The following AGBL4 variants were observed in gnomAD, a reference collection of about 807,000 sequenced individuals.
AGBL4 encodes AGBL carboxypeptidase 4, also known as cytosolic carboxypeptidase 6.
In AGBL4, 58 loss-of-function variants were observed where a neutral mutation model predicts 66.4. That is an observed-to-expected ratio of 0.87 (90% CI 0.71 to 1.09). AGBL4 has a LOEUF of 1.09. Among genes scored for constraint, AGBL4 ranks in the 50% least tolerant of loss-of-function variants. The pLI is 0.00. For missense variants in AGBL4, 579 were observed against 631.0 expected (o/e 0.92, Z 0.88); for synonymous variants, 234 against 222.9 (o/e 1.05, Z -0.44).
At chr1:48,678,752 T>G (rs879013896) in intron 6 of AGBL4, among the ~76,000 whole-genome samples, 1 of 152,220 alleles carries the variant, frequency 6.6e-6, no homozygotes, top group Admixed American at 6.5e-5. Flanking sequence ...GCAAGGCCAT[T>G]CTCCAGTTCC....
chr1:49,233,012 C>T (rs76613511), intron 4 of AGBL4, among the ~76,000 whole-genome samples: 1 of 152,164 alleles, frequency 6.6e-6, no homozygotes, highest in African/African-American at 2.4e-5. Context: ...TAACCAATCA[C>T]TACTGATGGG....
intron 5 of AGBL4, among the ~76,000 whole-genome samples, chr1:48,979,285 T>A (rs914571822): frequency 6.6e-6 from 1 of 152,176 alleles, no homozygotes; most frequent in Non-Finnish European, 1.5e-5. Flanking sequence ...AAAACATTAC[T>A]CACTAATTCA....
intron 2 of AGBL4, among the ~76,000 whole-genome samples, chr1:49,840,122 C>T (rs1645954343): frequency 6.6e-6 from 1 of 151,930 alleles, no homozygotes; most frequent in South Asian, 2.1e-4. Context: ...GGTTGGTAGT[C>T]TTTTTATTAT....
chr1:49,930,622 T>A (rs1345954441), intron 1 of AGBL4, among the ~76,000 whole-genome samples: 1 of 152,064 alleles, frequency 6.6e-6, no homozygotes. Context: ...CAAGGTTGGT[T>A]TAACATTCAA....
At chr1:49,234,561 T>TTA (rs1487620121) in intron 4 of AGBL4, among the ~76,000 whole-genome samples, 4 of 152,138 alleles carry the variant, frequency 2.6e-5, no homozygotes, top group African/African-American at 9.7e-5. Context: ...ATAAAACTGA[T>TTA]TATAGAGTAT....
intron 3 of AGBL4, among the ~76,000 whole-genome samples, chr1:49,435,888 A>C (rs1003329907): frequency 6.6e-6 from 1 of 152,070 alleles, no homozygotes; most frequent in African/African-American, 2.4e-5. Flanking sequence ...TGAGATGTGA[A>C]CTCTATCTTG....
At chr1:49,773,689 CA>C (rs993713009) in intron 2 of AGBL4, among the ~76,000 whole-genome samples, 3 of 152,194 alleles carry the variant, frequency 2.0e-5, no homozygotes, top group African/African-American at 4.8e-5. Context: ...TCTGGAATGG[CA>C]AGGCCACTGC....
At chr1:49,092,129 G>A (rs990054629) in intron 4 of AGBL4, among the ~76,000 whole-genome samples, 2 of 151,984 alleles carry the variant, frequency 1.3e-5, no homozygotes, top group South Asian at 2.1e-4. Flanking sequence ...CCCACAACAC[G>A]CAATTTACCT....
intron 4 of AGBL4, among the ~76,000 whole-genome samples, chr1:49,188,070 C>T (rs1647047052): frequency 6.6e-6 from 1 of 152,134 alleles, no homozygotes; most frequent in South Asian, 2.1e-4. Flanking sequence ...TCCTCCTTGC[C>T]TTCTGCCATG....
chr1:48,999,420 A>G (rs755503090), intron 5 of AGBL4, among the ~76,000 whole-genome samples: 15 of 152,170 alleles, frequency 9.9e-5, no homozygotes, highest in Non-Finnish European at 2.1e-4. Context: ...TAGAAACTCA[A>G]TTTTAATCTG....
chr1:49,374,181 T>G (rs889364452), intron 3 of AGBL4: 3 of 151,914 alleles, frequency 2.0e-5, no homozygotes, highest in Admixed American at 6.6e-5. Context: ...CTGTTAATAC[T>G]CTATCACTTC....
chr1:49,633,167 T>C (rs572582435), intron 3 of AGBL4, among the ~76,000 whole-genome samples: 2 of 151,852 alleles, frequency 1.3e-5, no homozygotes, highest in South Asian at 4.2e-4. Context: ...AGAGAGAAAA[T>C]ACATTAGCCA....
chr1:48,932,804 AT>A (rs140759543), intron 5 of AGBL4, among the ~76,000 whole-genome samples: 9,119 of 151,382 alleles, frequency 0.06, 838 homozygotes, highest in African/African-American at 0.2. Flanking sequence ...TCTTCAGGTA[AT>A]TTTTTTTTAC....
Position 48,789,084 on chromosome 1 carries a change from T to C in AGBL4, c.634+78107A>G, listed in dbSNP as rs190521410. Among the ~76,000 whole-genome samples, 14 of 152,250 alleles carry C rather than the reference T, an allele frequency of 9.2e-5. No individual in the cohort carries two copies. The East Asian group carries it at 2.7e-3, about 29-fold the overall frequency. ...ATCCCTATTTTATAGATGTAGCAAC[T>C]GAGGTTCAGAGAGGGAGGGTGAAGG... is the stretch of plus-strand genomic sequence containing the variant. On this transcript the variant is annotated intron_variant, in intron 6 of 13. Coordinates refer to ENST00000371839, the MANE Select transcript of AGBL4 (RefSeq NM_032785.4).
chr1:49,184,460 G>A (rs1365582759), intron 4 of AGBL4, among the ~76,000 whole-genome samples: 1 of 152,166 alleles, frequency 6.6e-6, no homozygotes, highest in Non-Finnish European at 1.5e-5. Flanking sequence ...TCTAAATGGA[G>A]AGCTGAGCAT....
intron 2 of AGBL4, among the ~76,000 whole-genome samples, chr1:49,785,893 AAT>A (rs34005960): frequency 0.066 from 9,254 of 140,708 alleles, 322 homozygotes; most frequent in African/African-American, 0.098. Context: ...GGAAAAAAAA[AAT>A]ATATATATAT....
chr1:49,236,686 C>T (rs1000485572), intron 4 of AGBL4, among the ~76,000 whole-genome samples: 2 of 152,098 alleles, frequency 1.3e-5, no homozygotes, highest in Non-Finnish European at 2.9e-5. Context: ...AGGAAATTTA[C>T]ATTGTTACAA....
chr1:48,785,918 G>A (rs1405516308), intron 6 of AGBL4, among the ~76,000 whole-genome samples: 1 of 151,872 alleles, frequency 6.6e-6, no homozygotes, highest in Non-Finnish European at 1.5e-5. Flanking sequence ...GACCACATTA[G>A]TTCTCTGGTT....
Position 49,063,841 on chromosome 1 carries a change from T to G in AGBL4, c.378-18041A>C, listed in dbSNP as rs184377754. 5.6e-4 allele frequency among the ~76,000 whole-genome samples: 86 copies of G among 152,330 alleles called. No individual in the cohort carries two copies. The Middle Eastern group carries it at 0.01, about 18-fold the overall frequency. Reference sequence around the variant, plus strand: ...AGGGAATAGCAAGTGCCATTGATGTTTCCCTGTTGCTTCTGTTCCTCCAGG... The same window carrying G: ...AGGGAATAGCAAGTGCCATTGATGTGTCCCTGTTGCTTCTGTTCCTCCAGG... On this transcript the variant is annotated intron_variant, in intron 4 of 13. Coordinates refer to ENST00000371839, the MANE Select transcript of AGBL4 (RefSeq NM_032785.4).
Sources: allele counts gnomAD v4.1 joint callset (sites outside exome capture counted in the v4.1 genomes callset), GRCh38; gene constraint gnomAD v4.1.1; transcripts MANE v1.5; gene names NCBI Gene and HGNC (gene_info 2026-07-23, HGNC 2026-07-21).